Variants in SOX5 observed in about 807,000 individuals in gnomAD.
SOX5 encodes SRY-box transcription factor 5.
In SOX5, 9 loss-of-function variants were observed where a neutral mutation model predicts 92.0. The observed-to-expected ratio is 0.10, with a 90% confidence interval of 0.06 to 0.17. The LOEUF (loss-of-function observed/expected upper bound fraction) is 0.17, where lower values mean the gene tolerates loss of function less well. Among genes scored for constraint, SOX5 ranks in the 10% least tolerant of loss-of-function variants. SOX5 has a pLI of 1.00. For synonymous variants in SOX5, 344 were observed against 336.3 expected (o/e 1.02, Z -0.25); for missense variants, 642 against 944.5 (o/e 0.68, Z 4.20).
intron 3 of SOX5, among the ~76,000 whole-genome samples, chr12:23,794,783 A>C (rs2095534632): frequency 6.6e-6 from 1 of 152,148 alleles, no homozygotes; most frequent in African/African-American, 2.4e-5. Context: ...CCTTAGGACT[A>C]GTTTAGGTCT....
chr12:24,547,178 A>AT (rs575562827), intron 1 of SOX5, among the ~76,000 whole-genome samples: 1,679 of 99,702 alleles, frequency 0.017, 19 homozygotes, highest in East Asian at 0.024. Flanking sequence ...GATATCTAAC[A>AT]TTTTTTTTTT....
chr12:23,722,222 C>G (rs1362214263), intron 6 of SOX5, among the ~76,000 whole-genome samples: 1 of 152,096 alleles, frequency 6.6e-6, no homozygotes, highest in African/African-American at 2.4e-5. Context: ...AGAACAGTCT[C>G]AAAACTATGT....
intron 13 of SOX5, among the ~76,000 whole-genome samples, chr12:23,538,794 A>ATTTTT (rs545684613): frequency 9.5e-6 from 1 of 104,860 alleles, no homozygotes; most frequent in African/African-American, 3.9e-5. Flanking sequence ...CGAAACCAGC[A>ATTTTT]TTTTCTTTTT....
chr12:24,395,411 C>CA (rs1362608823), intron 1 of SOX5, among the ~76,000 whole-genome samples: 2 of 151,910 alleles, frequency 1.3e-5, no homozygotes, highest in African/African-American at 4.8e-5. Context: ...AATAATTGGC[C>CA]AAAAAAATAT....
chr12:24,534,574 A>C (rs1951471968), intron 1 of SOX5, among the ~76,000 whole-genome samples: 1 of 152,218 alleles, frequency 6.6e-6, no homozygotes, highest in African/African-American at 2.4e-5. Context: ...AGAGACTCTT[A>C]AAACCTGAGT....
intron 4 of SOX5, among the ~76,000 whole-genome samples, chr12:24,116,191 G>A (rs1947977972): frequency 6.6e-6 from 1 of 152,128 alleles, no homozygotes; most frequent in African/African-American, 2.4e-5. Context: ...AAAGAACTGT[G>A]TGTATAACAA....
At chr12:23,579,197 G>C (rs1341221206) in intron 9 of SOX5, among the ~76,000 whole-genome samples, 2 of 152,126 alleles carry the variant, frequency 1.3e-5, no homozygotes, top group Non-Finnish European at 2.9e-5. Flanking sequence ...ATTTATTAGA[G>C]CAAGAGACCC....
At chr12:24,045,795 A>G (rs1006974368) in intron 4 of SOX5, among the ~76,000 whole-genome samples, 7 of 152,162 alleles carry the variant, frequency 4.6e-5, no homozygotes, top group Non-Finnish European at 7.4e-5. Context: ...GGAATCCTTT[A>G]CACATTTCAG....
At chr12:24,071,416 C>T (rs926485488) in intron 4 of SOX5, among the ~76,000 whole-genome samples, 2 of 152,030 alleles carry the variant, frequency 1.3e-5, no homozygotes, top group African/African-American at 4.8e-5. Flanking sequence ...TGGAATCAAG[C>T]CTTGTTTTTT....
chr12:23,620,789 G>A (rs945214509), intron 8 of SOX5, among the ~76,000 whole-genome samples: 6 of 151,832 alleles, frequency 4.0e-5, no homozygotes, highest in African/African-American at 7.3e-5. Context: ...TATTTCTCAC[G>A]TACCAACGAA....
chr12:24,414,190 G>A (rs573546740), intron 1 of SOX5, among the ~76,000 whole-genome samples: 3 of 152,074 alleles, frequency 2.0e-5, no homozygotes, highest in Non-Finnish European at 4.4e-5. Flanking sequence ...TCTTTTCTCT[G>A]AAATGTATCC....
At chr12:24,216,570 G>A (rs1267975408) in intron 3 of SOX5, among the ~76,000 whole-genome samples, 1 of 152,154 alleles carries the variant, frequency 6.6e-6, no homozygotes, top group African/African-American at 2.4e-5. Flanking sequence ...AAGATCTGAA[G>A]ATTGAGTTTA....
chr12:23,759,113 G>A (rs943452675), intron 3 of SOX5, among the ~76,000 whole-genome samples: 2 of 151,118 alleles, frequency 1.3e-5, no homozygotes, highest in African/African-American at 4.9e-5. Context: ...TAGGAAAAAT[G>A]ATTCTTACTA....
intron 4 of SOX5, among the ~76,000 whole-genome samples, chr12:24,023,275 ATTC>A (rs752360379): frequency 6.6e-6 from 1 of 152,150 alleles, no homozygotes; most frequent in South Asian, 2.1e-4. Context: ...TCTGAGGATT[ATTC>A]TTCAAGTTTC....
At chr12:23,982,073 C>G (rs1275099558) in intron 4 of SOX5, among the ~76,000 whole-genome samples, 4 of 152,166 alleles carry the variant, frequency 2.6e-5, no homozygotes, top group Non-Finnish European at 5.9e-5. Context: ...GAGATATATA[C>G]ACGGAATGAT....
intron 9 of SOX5, among the ~76,000 whole-genome samples, chr12:23,578,213 A>G (rs1949545835): frequency 6.7e-6 from 1 of 148,492 alleles, no homozygotes; most frequent in South Asian, 2.2e-4. Context: ...ACCATAATCT[A>G]TATATATGAT....
chr12:24,368,331 C>T (rs1455270206), intron 2 of SOX5: 1 of 152,084 alleles, frequency 6.6e-6, no homozygotes, highest in East Asian at 1.9e-4. Flanking sequence ...ATTTAATCTG[C>T]CCTATTACTA....
rs184411947 is a variant in SOX5 at position 23,902,021 on chromosome 12, G to A, written c.39-5997C>T. On this transcript the variant is annotated intron_variant, in intron 1 of 14. Coordinates refer to ENST00000451604, the MANE Select transcript of SOX5 (RefSeq NM_006940.6). ...ACTTGAGAAAAATATTATAGCTCTA[G>A]TTAAAAATGTTATCTTTATTTAACA... Among the ~76,000 whole-genome samples the A allele has an allele frequency of 8.3e-3, 1,257 of 152,206 alleles. 12 individuals carry two copies. The highest frequency in any genetic ancestry group is 0.014 in the Non-Finnish European group (930 of 67,992).
intron 1 of SOX5, among the ~76,000 whole-genome samples, chr12:24,509,371 A>T (rs572530708): frequency 5.9e-5 from 9 of 151,888 alleles, no homozygotes; most frequent in Admixed American, 3.9e-4. Context: ...TTTTTCCTCC[A>T]TAGTAGTCTC....
Sources: gnomAD v4.1 joint callset for allele counts (sites outside exome capture counted in the v4.1 genomes callset) on GRCh38, gnomAD v4.1.1 for gene constraint, MANE v1.5 for transcripts, NCBI Gene and HGNC (gene_info 2026-07-23, HGNC 2026-07-21) for gene names.